Variants in SFXN2 observed in about 807,000 individuals in gnomAD.
The protein encoded by SFXN2 is sideroflexin-2.
A neutral mutation model predicts 41.9 loss-of-function variants in SFXN2; 37 were observed. The observed-to-expected ratio is 0.88, with a 90% CI of 0.68 to 1.16. SFXN2 has a LOEUF of 1.16. Ranked by LOEUF, SFXN2 falls within the 50% of genes most tolerant of loss-of-function variation. The probability of loss-of-function intolerance (pLI) is 0.00; values close to 1 mark genes in which losing one functional copy is unlikely to be tolerated. For missense variants in SFXN2, 386 were observed against 425.2 expected (o/e 0.91, Z 0.81); for synonymous variants, 150 against 156.7 (o/e 0.96, Z 0.32).
chr10:102,721,278 G>A lies in SFXN2; in HGVS notation c.-25-5334G>A, dbSNP rs532765028. ...GCCTGTAATCCCAGCACTTAGGGAG[G>A]ATGAGATGGGAGGATTCCTTGAGCC... On this transcript the variant is annotated intron_variant, in intron 1 of 11. Transcript: ENST00000369893. Among the ~76,000 whole-genome samples, 3 of 152,042 alleles carry A rather than the reference G, an allele frequency of 2.0e-5. No individual in the cohort carries two copies. The East Asian group carries it at 5.8e-4, about 29-fold the overall frequency.
rs781674373 is a variant in SFXN2 at position 102,728,501 on chromosome 10, A to T, written c.403A>T (p.Arg135Trp). ...SFNALVNYTN[R>W]NAASPTSVRQ... ...CAATGCCTTAGTCAACTACACCAAC[A>T]GGAATGCGGCTTCCCCCACATCAGT... is the stretch of plus-strand genomic sequence containing the variant. Residue 135 changes from arginine (R) to tryptophan (W), a missense_variant, in exon 4 of 12, where the codon AGG (arginine) becomes TGG (tryptophan). Physicochemically the swap from Arg to Trp is moderately radical, Grantham distance 101. Coordinates refer to ENST00000369893, the MANE Select transcript of SFXN2 (RefSeq NM_178858.6). The T allele has an allele frequency of 4.3e-6, 7 of 1,613,720 alleles. No individual in the cohort carries two copies. In the Admixed American group the frequency reaches 6.7e-5, roughly 15 times the overall value.
chr10:102,731,756 G>A lies in SFXN2; in HGVS notation c.627G>A (p.Arg209=), dbSNP rs375986406. Residue 209 remains arginine, a synonymous_variant, in exon 7 of 12, where the codon AGG becomes AGA. Transcript: ENST00000369893. ...ELIKGICVKD[R]NENEIGHSRR... is the part of the protein sequence containing the mutation. ...TAAAGGGAATCTGCGTGAAGGACAG[G>A]AATGAAAATGAGATTGGTCATTCCC... is the stretch of plus-strand genomic sequence containing the variant. The A allele has an allele frequency of 1.0e-4, 163 of 1,613,874 alleles. No homozygotes were observed. The highest frequency in any genetic ancestry group is 1.6e-4 in the Middle Eastern group (1 of 6,082).
chr10:102,730,079 C>T (rs1040612842), intron 6 of SFXN2, among the ~76,000 whole-genome samples: 1 of 152,130 alleles, frequency 6.6e-6, no homozygotes, highest in South Asian at 2.1e-4. Flanking sequence ...TGGAGTTTTA[C>T]ACTGGATCAT....
In SFXN2 at chr10:102,728,523, C is replaced by CA; in HGVS notation, c.426dup (p.Val143SerfsTer46). 1 of 1,613,748 alleles carries CA rather than the reference C, an allele frequency of 6.2e-7. No individual in the cohort carries two copies. Among genetic ancestry groups the CA allele is most frequent in the Non-Finnish European group, 8.5e-7 (1 of 1,179,774 alleles). Reference sequence around the variant, plus strand: ...AACAGGAATGCGGCTTCCCCCACATCAGTCAGGTAGGAGACCTGAACCCCA... The same window carrying CA: ...AACAGGAATGCGGCTTCCCCCACATCAAGTCAGGTAGGAGACCTGAACCCCA... On this transcript the variant is annotated frameshift_variant, in exon 4 of 12. Coordinates refer to ENST00000369893, the MANE Select transcript of SFXN2 (RefSeq NM_178858.6). LOFTEE classifies it high-confidence loss of function.
rs2064714243 is a variant in SFXN2 at position 102,732,170 on chromosome 10, A to G, written c.673A>G (p.Ile225Val). 4 of 1,613,956 alleles carry G rather than the reference A, an allele frequency of 2.5e-6. No homozygotes were observed. Among genetic ancestry groups the G allele is most frequent in the Non-Finnish European group, 2.5e-6 (3 of 1,179,980 alleles). The change falls in exon 8 of 12, where the codon ATC becomes GTC. Residue 225 changes from isoleucine to valine, a missense_variant. Ile to Val is a conservative substitution (Grantham distance 29, BLOSUM62 3). Coordinates refer to ENST00000369893, the MANE Select transcript of SFXN2 (RefSeq NM_178858.6). ...CCCTCAGAGAGCTGCGGCCATAGGC[A>G]TCACCCAAGTAGTTATTTCTCGGAT... The part of the protein sequence containing the change: ...GHSRRAAAIG[I>V]TQVVISRITM...
Position 102,741,231 on chromosome 10 carries a change from T to G in SFXN2, c.*3469T>G, listed in dbSNP as rs60459635. On this transcript the variant is annotated 3_prime_UTR_variant, in exon 12 of 12. Transcript: ENST00000369893. ...AAAGGGAAGTTGGGGCAAAATCCCCTGTGTTTGCCAAACTGAATTGGGGTT... is the reference window on the plus strand; with the variant it reads ...AAAGGGAAGTTGGGGCAAAATCCCCGGTGTTTGCCAAACTGAATTGGGGTT... The G allele has an allele frequency of 0.2, 29,727 of 152,108 alleles. 3,281 individuals are homozygous for G. The highest frequency in any genetic ancestry group is 0.49 in the East Asian group (2,548 of 5,164). The allele number at this position is 152,108 out of a possible 1,614,324, so 9.4% of individuals were successfully genotyped here. A position where few individuals can be genotyped will look rare whatever the true frequency, so the allele number is the denominator to read the frequency against.
rs1328948130 is a variant in SFXN2, at chr10:102,727,101, G to A, written c.276G>A (p.Met92Ile). The A allele has an allele frequency of 6.2e-7, 1 of 1,608,754 alleles. No homozygotes were observed. The highest frequency in any genetic ancestry group is 8.5e-7 in the Non-Finnish European group (1 of 1,175,464). The change falls in exon 3 of 12, where the codon ATG becomes ATA. Residue 92 changes from methionine to isoleucine, a missense_variant. Coordinates refer to ENST00000369893, the MANE Select transcript of SFXN2 (RefSeq NM_178858.6). ...AGAAGATGAATGTCATCGGGCGCATGTCTTTCCAGCTTCCTGGCGGCATGA... is the reference window on the plus strand; with the variant it reads ...AGAAGATGAATGTCATCGGGCGCATATCTTTCCAGCTTCCTGGCGGCATGA... ...TGEKMNVIGR[M>I]SFQLPGGMII...
In SFXN2 at chr10:102,734,228, G is replaced by A. The variant is rs1443476904; in HGVS notation, c.821+625G>A. Among the ~76,000 whole-genome samples the A allele has an allele frequency of 6.6e-6, 1 of 152,122 alleles. No individual in the cohort carries two copies. The highest frequency in any genetic ancestry group is 1.5e-5 in the Non-Finnish European group (1 of 68,030). On this transcript the variant is annotated intron_variant, in intron 10 of 11. Transcript: ENST00000369893. The surrounding 1 kb of genome is among the most constrained non-coding windows in gnomAD (Gnocchi z 4.1). ...AGGAGACATAGCTTTGGCTGGGACT[G>A]TCATGTGTCCCAGACTCACACAGGA...
chr10:102,733,511 T>C (rs748935626), intron 9 of SFXN2, 43 bp from the exon 10 acceptor site: 4 of 1,550,646 alleles, frequency 2.6e-6, no homozygotes, highest in South Asian at 2.2e-5. Flanking sequence ...CCTTAAGGCA[T>C]AGAAGTACCA....
intron 3 of SFXN2, among the ~76,000 whole-genome samples, chr10:102,727,445 A>G (rs898771075): frequency 6.6e-6 from 1 of 152,250 alleles, no homozygotes; most frequent in African/African-American, 2.4e-5. Flanking sequence ...TAACTGAGGC[A>G]GTCCTGTGTA....
Position 102,742,636 on chromosome 10 carries a change from G to GT in SFXN2, c.*4881dup, listed in dbSNP as rs1477046463. 1 of 151,852 alleles carries GT rather than the reference G, an allele frequency of 6.6e-6. No homozygotes were observed. The highest frequency in any genetic ancestry group is 2.4e-5 in the African/African-American group (1 of 41,318). The allele number at this position is 151,852 out of a possible 1,614,324, so 9.4% of individuals were successfully genotyped here. A position where few individuals can be genotyped will look rare whatever the true frequency, so the allele number is the denominator to read the frequency against. On this transcript the variant is annotated 3_prime_UTR_variant, in exon 12 of 12. Transcript: ENST00000369893. Reference sequence around the variant, plus strand: ...ATGCTTGGCTAATTTGGCTAATTTAGTTTTTTTATTTTTGTAGAGACAGGG... The same window carrying GT: ...ATGCTTGGCTAATTTGGCTAATTTAGTTTTTTTTATTTTTGTAGAGACAGGG...
chr10:102,739,308 G>A lies in SFXN2; in HGVS notation c.*1546G>A, dbSNP rs2064822340. ...ATAAGGGGAACTTGTCTGATGCCTG[G>A]AGGCTGTTGTTTATTTCCCTCATTA... On this transcript the variant is annotated 3_prime_UTR_variant, in exon 12 of 12. Transcript: ENST00000369893. 6.6e-6 allele frequency: 1 copy of A among 152,028 alleles called. No homozygotes were observed. Among genetic ancestry groups the A allele is most frequent in the African/African-American group, 2.4e-5 (1 of 41,428 alleles). 9.4% of individuals were successfully genotyped at this position (152,028 alleles called of 1,614,324 possible). A position where few individuals can be genotyped will look rare whatever the true frequency, so the allele number is the denominator to read the frequency against.
rs201760534 is a variant in SFXN2 at position 102,726,729 on chromosome 10, G to A, written c.93G>A (p.Thr31=). 103 of 1,614,152 alleles carry A rather than the reference G, an allele frequency of 6.4e-5. 1 individual carries two copies. Among genetic ancestry groups the A allele is most frequent in the Admixed American group, 4.0e-4 (24 of 60,010 alleles). ...GAGTGAAGCACTTCCTAAACATCACGGACCCCCGCACTGTCTTTGTATCTG... is the reference window on the plus strand; with the variant it reads ...GAGTGAAGCACTTCCTAAACATCACAGACCCCCGCACTGTCTTTGTATCTG... ...LGRVKHFLNI[T]DPRTVFVSER... Residue 31 remains threonine (T), a synonymous_variant, in exon 2 of 12, where the codon ACG becomes ACA. Transcript: ENST00000369893.
At chr10:102,718,918 C>CTTTTTTTTTTTTTTTT (rs34471332) in intron 1 of SFXN2, among the ~76,000 whole-genome samples, 1 of 74,302 alleles carries the variant, frequency 1.3e-5, no homozygotes, top group Non-Finnish European at 2.4e-5. Context: ...TTCTCGGCTT[C>CTTTTTTTTTTTTTTTT]TTTTTTTTTT....
At chr10:102,715,250 C>T (rs1489248245) in intron 1 of SFXN2, 1 of 153,356 alleles carries the variant, frequency 6.5e-6, no homozygotes, top group Non-Finnish European at 1.5e-5. Flanking sequence ...GTTGCCCAGG[C>T]TGGGCTCGAA....
At chr10:102,729,969 G>A (rs2064677103) in intron 6 of SFXN2, among the ~76,000 whole-genome samples, 161 bp downstream of exon 6, 1 of 152,174 alleles carries the variant, frequency 6.6e-6, no homozygotes, top group Non-Finnish European at 1.5e-5. Context: ...CCATGGTGAT[G>A]GCCCCGGGAG....
At chr10:102,717,291 C>G (rs551548602) in intron 1 of SFXN2, among the ~76,000 whole-genome samples, 61 of 152,098 alleles carry the variant, frequency 4.0e-4, no homozygotes, top group Non-Finnish European at 7.8e-4. Context: ...GCCACCACGC[C>G]TGGCTAATTT....
In SFXN2 at chr10:102,729,227, G is replaced by A. The variant is rs1590148881; in HGVS notation, c.432-92G>A. 6.4e-6 allele frequency: 8 copies of A among 1,240,986 alleles called. No homozygotes were observed. In the East Asian group the frequency reaches 7.1e-5, roughly 11 times the overall value. The allele number at this position is 1,240,986 out of a possible 1,614,324, so 76.9% of individuals were successfully genotyped here. A position where few individuals can be genotyped will look rare whatever the true frequency, so the allele number is the denominator to read the frequency against. ...CAGATCCTGTGCGGTTTTCACGCAC[G>A]AAGCCTCGCCAGCCGACTTTCTCCC... On this transcript the variant is annotated intron_variant, in intron 4 of 11. Transcript: ENST00000369893.
At position 102,743,219 on chromosome 10, in the gene SFXN2, A is replaced by G. The variant is rs1422774812; in HGVS notation, c.*5457A>G. On this transcript the variant is annotated 3_prime_UTR_variant, in exon 12 of 12. Transcript: ENST00000369893. Reference sequence around the variant, plus strand: ...GGAAATTTGAGAGGAAGAATTGTCAACTTGCAGGGCAGCAGGGAAGCCATT... The same window carrying G: ...GGAAATTTGAGAGGAAGAATTGTCAGCTTGCAGGGCAGCAGGGAAGCCATT... 2 of 152,348 alleles carry G rather than the reference A, an allele frequency of 1.3e-5. No individual in the cohort carries two copies. The highest frequency in any genetic ancestry group is 3.8e-4 in the East Asian group (2 of 5,204). 9.4% of individuals were successfully genotyped at this position (152,348 alleles called of 1,614,324 possible).
Sources: allele counts gnomAD v4.1 joint callset (sites outside exome capture counted in the v4.1 genomes callset), GRCh38; gene constraint gnomAD v4.1.1; non-coding constraint Gnocchi (gnomAD v3.1); transcripts MANE v1.5; gene names NCBI Gene and HGNC (gene_info 2026-07-23, HGNC 2026-07-21).